CDK5RAP2: variants seen among roughly 807,000 people sequenced by gnomAD.
CDK5RAP2 encodes the protein CDK5 regulatory subunit associated protein 2, also known as CDK5 regulatory subunit-associated protein 2.
A neutral mutation model predicts 232.9 loss-of-function variants in CDK5RAP2; 147 were observed. The observed-to-expected ratio is 0.63, with a 90% confidence interval of 0.55 to 0.72. The LOEUF (loss-of-function observed/expected upper bound fraction) is 0.72, where lower values mean the gene tolerates loss of function less well. Ranked by LOEUF, CDK5RAP2 falls within the 30% of genes least tolerant of loss-of-function variation. The probability of loss-of-function intolerance (pLI) is 0.00; values close to 1 mark genes in which losing one functional copy is unlikely to be tolerated. For missense variants in CDK5RAP2, 2,195 were observed against 2,231.5 expected (o/e 0.98, Z 0.33); for synonymous variants, 833 against 833.7 (o/e 1.00, Z 0.01).
intron 20 of CDK5RAP2, among the ~76,000 whole-genome samples, chr9:120,458,146 A>G (rs973486259): frequency 2.0e-5 from 3 of 152,216 alleles, no homozygotes; most frequent in Non-Finnish European, 4.4e-5. Context: ...ATATTTCGGT[A>G]GGGCTGATTC....
chr9:120,401,227 G>A (rs1253801278), intron 34 of CDK5RAP2, among the ~76,000 whole-genome samples: 1 of 151,840 alleles, frequency 6.6e-6, no homozygotes, highest in Non-Finnish European at 1.5e-5. Context: ...CAGAGAAAAT[G>A]ACACCAACAG....
At chr9:120,494,874 C>T (rs1487610088) in intron 12 of CDK5RAP2, among the ~76,000 whole-genome samples, 111 of 136,940 alleles carry the variant, frequency 8.1e-4, no homozygotes, top group South Asian at 5.0e-3. Flanking sequence ...CGCTGCGGCC[C>T]GGGGCAGTGC....
chr9:120,438,112 G>A (rs573673637), intron 24 of CDK5RAP2, among the ~76,000 whole-genome samples: 3 of 152,298 alleles, frequency 2.0e-5, no homozygotes, highest in Non-Finnish European at 4.4e-5. Flanking sequence ...AGCTAATTAA[G>A]TGGTAAAGAT....
At chr9:120,400,625 T>TA in intron 35 of CDK5RAP2, 117 bp downstream of exon 35, 1 of 1,300,228 alleles carries the variant, frequency 7.7e-7, no homozygotes, top group East Asian at 2.3e-5. Context: ...ATCTCCTCCC[T>TA]AATACATACC....
rs980013368 is a variant in CDK5RAP2 at position 120,460,681 on chromosome 9, G to A, written c.2107-14C>T. On this transcript the variant is annotated splice_polypyrimidine_tract_variant and intron_variant, in intron 18 of 37. Transcript: ENST00000349780. ...GCTAGCCAGAAGCTACATGGAGCATGGAATGGTGTGAAAATGCAACCCAAA... is the reference window on the plus strand; with the variant it reads ...GCTAGCCAGAAGCTACATGGAGCATAGAATGGTGTGAAAATGCAACCCAAA... 3 of 1,613,744 alleles carry A rather than the reference G, an allele frequency of 1.9e-6. No individual in the cohort carries two copies. Among genetic ancestry groups the A allele is most frequent in the Non-Finnish European group, 2.5e-6 (3 of 1,179,934 alleles).
At chr9:120,570,269 C>A (rs1299694876) in intron 2 of CDK5RAP2, among the ~76,000 whole-genome samples, 3 of 152,152 alleles carry the variant, frequency 2.0e-5, no homozygotes, top group Non-Finnish European at 4.4e-5. Flanking sequence ...GGATGCTCAT[C>A]CCCTCCTTTT....
chr9:120,571,686 C>G (rs1448939667), intron 2 of CDK5RAP2: 10 of 407,164 alleles, frequency 2.5e-5, no homozygotes, highest in Non-Finnish European at 4.7e-5. Flanking sequence ...AATGTCCAGC[C>G]TCCGTGCAGT....
Position 120,400,885 on chromosome 9 carries a change from C to T in CDK5RAP2, c.5308G>A (p.Gly1770Ser), listed in dbSNP as rs770145694. ...SSTSQELGTK[G>S]PHPAPLSKFV... is the part of the protein sequence containing the mutation. ...TTGCTCAGTGGTGCTGGGTGTGGACCCTACACGGGGGATATGAAGGCTGTT... is the reference window on the plus strand; with the variant it reads ...TTGCTCAGTGGTGCTGGGTGTGGACTCTACACGGGGGATATGAAGGCTGTT... Residue 1770 changes from glycine (G) to serine (S), a missense_variant and splice_region_variant, in exon 35 of 38, where the codon GGT becomes AGT. By Grantham distance (56) the Gly-to-Ser change is moderately conservative. Coordinates refer to ENST00000349780, the MANE Select transcript of CDK5RAP2 (RefSeq NM_018249.6). 1 of 1,614,080 alleles carries T rather than the reference C, an allele frequency of 6.2e-7. No homozygotes were observed. The highest frequency in any genetic ancestry group is 1.7e-5 in the Admixed American group (1 of 60,004).
At chr9:120,419,698 A>G (rs2034449362) in intron 27 of CDK5RAP2, 90 bp downstream of exon 27, 1 of 993,384 alleles carries the variant, frequency 1.0e-6, no homozygotes. Flanking sequence ...AAATACTCAA[A>G]TGTCACCACA....
chr9:120,442,133 G>A (rs1307390193), intron 23 of CDK5RAP2, among the ~76,000 whole-genome samples: 1 of 152,180 alleles, frequency 6.6e-6, no homozygotes, highest in African/African-American at 2.4e-5. Flanking sequence ...GTAATTATGA[G>A]GCATCACTAG....
rs1159685752 is a variant in CDK5RAP2, at chr9:120,545,728, C to A, written c.369G>T (p.Leu123=). Residue 123 remains leucine (L), a synonymous_variant, in exon 5 of 38, where the codon CTG becomes CTT. Transcript: ENST00000349780. ...ATGGTACTCACGAGGCTTTGATGAG[C>A]AGCTGCTCTCTCTCCTGGAGTTCCC... The part of the protein sequence containing the change: ...LKRELQEREQ[L]LIKASKAVES... The A allele has an allele frequency of 6.2e-7, 1 of 1,613,688 alleles. No individual in the cohort carries two copies. Among genetic ancestry groups the A allele is most frequent in the Non-Finnish European group, 8.5e-7 (1 of 1,179,620 alleles).
At chr9:120,427,851 T>G (rs1353237683) in intron 25 of CDK5RAP2, among the ~76,000 whole-genome samples, 1 of 152,172 alleles carries the variant, frequency 6.6e-6, no homozygotes, top group Admixed American at 6.5e-5. Flanking sequence ...ACCACATAGT[T>G]GGAAGTAAAG....
chr9:120,391,688 TC>T lies in CDK5RAP2; in HGVS notation c.5579-1902del, dbSNP rs2031995652. 2.0e-5 allele frequency among the ~76,000 whole-genome samples: 3 copies of T among 152,314 alleles called. No homozygotes were observed. The South Asian group carries it at 6.2e-4, about 32-fold the overall frequency. Reference sequence around the variant, plus strand: ...CCACTGGGATGCCTTTTCCTTACTTTCCCCTGTAGACTCTGAGAAGGTATGG... The same window carrying T: ...CCACTGGGATGCCTTTTCCTTACTTTCCCTGTAGACTCTGAGAAGGTATGG... On this transcript the variant is annotated intron_variant, in intron 36 of 37. Coordinates refer to ENST00000349780, the MANE Select transcript of CDK5RAP2 (RefSeq NM_018249.6).
chr9:120,403,956 G>T lies in CDK5RAP2; in HGVS notation c.5041+80C>A. On this transcript the variant is annotated intron_variant, in intron 33 of 37. Transcript: ENST00000349780. The surrounding 1 kb of genome is among the most constrained non-coding windows in gnomAD (Gnocchi z 4.2). Reference sequence around the variant, plus strand: ...AAATACCCTCCTGAGTTGGGACCAGGGACCCCCCTTTTCTGCAAGTTAAAA... The same window carrying T: ...AAATACCCTCCTGAGTTGGGACCAGTGACCCCCCTTTTCTGCAAGTTAAAA... The T allele has an allele frequency of 1.1e-6, 1 of 952,034 alleles. No homozygotes were observed. The allele number at this position is 952,034 out of a possible 1,614,324, so 59.0% of individuals were successfully genotyped here. A position where few individuals can be genotyped will look rare whatever the true frequency, so the allele number is the denominator to read the frequency against.
At chr9:120,428,126 T>G (rs891881823) in intron 25 of CDK5RAP2, among the ~76,000 whole-genome samples, 1 of 152,176 alleles carries the variant, frequency 6.6e-6, no homozygotes, top group Non-Finnish European at 1.5e-5. Context: ...GGGAAATTTA[T>G]AGCACTAAAT....
chr9:120,532,310 G>A (rs776272621), intron 7 of CDK5RAP2, among the ~76,000 whole-genome samples: 5 of 152,172 alleles, frequency 3.3e-5, no homozygotes, highest in African/African-American at 4.8e-5. Flanking sequence ...GGACTTCCCA[G>A]TATTAACTGC....
At position 120,524,969 on chromosome 9, in the gene CDK5RAP2, G is replaced by A. The variant is rs1432850907; in HGVS notation, c.1092+17C>T. The A allele has an allele frequency of 1.3e-6, 2 of 1,595,942 alleles. No individual in the cohort carries two copies. The highest frequency in any genetic ancestry group is 1.7e-6 in the Non-Finnish European group (2 of 1,163,626). On this transcript the variant is annotated intron_variant, in intron 11 of 37. Coordinates refer to ENST00000349780, the MANE Select transcript of CDK5RAP2 (RefSeq NM_018249.6). ...CAGGATCAAAGAGACAGCCACTTAA[G>A]CCAAGTGTACACTTACCTGAAATTC...
intron 25 of CDK5RAP2, 88 bp from the exon 26 acceptor site, chr9:120,422,829 G>A (rs2034650970): frequency 1.1e-6 from 1 of 940,754 alleles, no homozygotes; most frequent in East Asian, 2.4e-5. Context: ...ATTTGCAGAA[G>A]CACTATTCCA....
chr9:120,570,042 T>A (rs2042793107), intron 2 of CDK5RAP2, among the ~76,000 whole-genome samples: 1 of 152,118 alleles, frequency 6.6e-6, no homozygotes, highest in African/African-American at 2.4e-5. Flanking sequence ...TGGTGAGCTT[T>A]GAGCTGAGTC....
Sources: gnomAD v4.1 joint callset for allele counts (sites outside exome capture counted in the v4.1 genomes callset) on GRCh38, gnomAD v4.1.1 for gene constraint, Gnocchi (gnomAD v3.1) non-coding constraint, MANE v1.5 for transcripts, NCBI Gene and HGNC (gene_info 2026-07-23, HGNC 2026-07-21) for gene names.